OR8D1: variants seen among roughly 807,000 people sequenced by gnomAD.
OR8D1 encodes the protein olfactory receptor 8D1.
For synonymous variants in OR8D1, 143 were observed against 147.0 expected, an observed-to-expected ratio of 0.97 and a Z score of 0.20; for missense variants, 384 against 366.8, an observed-to-expected ratio of 1.05 and a Z score of -0.38.
rs1862343776 is a variant in OR8D1 at position 124,303,714 on chromosome 11, A to G, written c.*6126T>C. ...TTAAAAATTATGCTCACTTGAAGTC[A>G]TAAAGTCCTCTGTTTTCTTATTTTT... On this transcript the variant is annotated 3_prime_UTR_variant, in exon 3 of 3. Coordinates refer to ENST00000641015, the MANE Select transcript of OR8D1 (RefSeq NM_001002917.2). 1 of 152,004 alleles carries G rather than the reference A, an allele frequency of 6.6e-6. No individual in the cohort carries two copies. Among genetic ancestry groups the G allele is most frequent in the Non-Finnish European group, 1.5e-5 (1 of 67,972 alleles). The allele number at this position is 152,004 out of a possible 1,614,324, so 9.4% of individuals were successfully genotyped here. A position where few individuals can be genotyped will look rare whatever the true frequency, so the allele number is the denominator to read the frequency against.
intron 1 of OR8D1, among the ~76,000 whole-genome samples, chr11:124,313,010 C>T (rs1185657238): frequency 1.3e-5 from 2 of 151,564 alleles, no homozygotes; most frequent in East Asian, 4.0e-4. Flanking sequence ...CCTGTCTCTA[C>T]TAAAAACACA....
rs549600909 is a variant in OR8D1, at chr11:124,306,647, G to A, written c.*3193C>T. 23 of 151,746 alleles carry A rather than the reference G, an allele frequency of 1.5e-4. No individual in the cohort carries two copies. Among genetic ancestry groups the A allele is most frequent in the Admixed American group, 7.2e-4 (11 of 15,210 alleles). The allele number at this position is 151,746 out of a possible 1,614,324, so 9.4% of individuals were successfully genotyped here. ...TGTCACTTTTCTTAAGAGTTACTTC[G>A]AATTTCCCAATTATAATTTTGAATC... On this transcript the variant is annotated 3_prime_UTR_variant, in exon 3 of 3. Transcript: ENST00000641015.
chr11:124,310,147 G>T lies in OR8D1; in HGVS notation c.620C>A (p.Thr207Asn), dbSNP rs200978021. Residue 207 changes from threonine (T) to asparagine (N), a missense_variant, in exon 3 of 3, where the codon ACC (threonine) becomes AAC (asparagine). Coordinates refer to ENST00000641015, the MANE Select transcript of OR8D1 (RefSeq NM_001002917.2). ...LLLFIIAGFN[T>N]LVPTLAVAVS... ...AGCAACAGCTAGGGTGGGCACCAAG[G>T]TGTTAAACCCCGCAATGATAAAAAG... 6.2e-7 allele frequency: 1 copy of T among 1,613,730 alleles called. No individual in the cohort carries two copies. The highest frequency in any genetic ancestry group is 1.7e-5 in the Admixed American group (1 of 59,950).
At position 124,310,347 on chromosome 11, in the gene OR8D1, G is replaced by C. The variant is rs1862409039; in HGVS notation, c.420C>G (p.Val140=). 2 of 1,613,450 alleles carry C rather than the reference G, an allele frequency of 1.2e-6. No individual in the cohort carries two copies. The highest frequency in any genetic ancestry group is 3.3e-5 in the Admixed American group (2 of 59,882). The change falls in exon 3 of 3, where the codon GTC becomes GTG. Residue 140 remains valine, a synonymous_variant. Transcript: ENST00000641015. Reference sequence around the variant, plus strand: ...AGGCAGCCAGCACTAGCAGTGAGCAGACCCATGAGGACATGATCGCATTAT... The same window carrying C: ...AGGCAGCCAGCACTAGCAGTGAGCACACCCATGAGGACATGATCGCATTAT... The part of the protein sequence containing the change: ...LLYNAIMSSW[V]CSLLVLAAFF...
In OR8D1 at chr11:124,309,443, A is replaced by G. The variant is rs1862397114; in HGVS notation, c.*397T>C. On this transcript the variant is annotated 3_prime_UTR_variant, in exon 3 of 3. Coordinates refer to ENST00000641015, the MANE Select transcript of OR8D1 (RefSeq NM_001002917.2). ...CTAATTCCCTGAAGAATTAATAGAT[A>G]TCTGGGATCAGGCTAACATACCTCT... 1 of 152,356 alleles carries G rather than the reference A, an allele frequency of 6.6e-6. No homozygotes were observed. The highest frequency in any genetic ancestry group is 1.5e-5 in the Non-Finnish European group (1 of 68,460). The allele number at this position is 152,356 out of a possible 1,614,324, so 9.4% of individuals were successfully genotyped here.
chr11:124,313,129 G>A (rs11819990), intron 1 of OR8D1, among the ~76,000 whole-genome samples: 14,446 of 150,982 alleles, frequency 0.096, 2,021 homozygotes, highest in African/African-American at 0.31. Context: ...AGCCAAGATC[G>A]TGACACTGCA....
rs1194413166 is a variant in OR8D1 at position 124,305,578 on chromosome 11, C to CT, written c.*4261dup. 1 of 151,704 alleles carries CT rather than the reference C, an allele frequency of 6.6e-6. No individual in the cohort carries two copies. The highest frequency in any genetic ancestry group is 1.5e-5 in the Non-Finnish European group (1 of 67,812). The allele number at this position is 151,704 out of a possible 1,614,324, so 9.4% of individuals were successfully genotyped here. ...CAAAAGGGGGCCTCCAGGAGTGATG[C>CT]TAATATTCTATATCTTTACCTGGAG... On this transcript the variant is annotated 3_prime_UTR_variant, in exon 3 of 3. Transcript: ENST00000641015.
Position 124,305,198 on chromosome 11 carries a change from T to A in OR8D1, c.*4642A>T, listed in dbSNP as rs941305153. On this transcript the variant is annotated 3_prime_UTR_variant, in exon 3 of 3. Transcript: ENST00000641015. Reference sequence around the variant, plus strand: ...AATAGAATATAGGGTACAAAGTAGGTCCCTATATAGATGGTCAGTTGATCT... The same window carrying A: ...AATAGAATATAGGGTACAAAGTAGGACCCTATATAGATGGTCAGTTGATCT... The A allele has an allele frequency of 6.6e-6, 1 of 151,862 alleles. No individual in the cohort carries two copies. The highest frequency in any genetic ancestry group is 1.5e-5 in the Non-Finnish European group (1 of 67,878). 9.4% of individuals were successfully genotyped at this position (151,862 alleles called of 1,614,324 possible). A position where few individuals can be genotyped will look rare whatever the true frequency, so the allele number is the denominator to read the frequency against.
At chr11:124,310,961 G>C in intron 2 of OR8D1, 179 bp from the exon 3 acceptor site, 1 of 509,192 alleles carries the variant, frequency 2.0e-6, no homozygotes, top group Non-Finnish European at 3.5e-6. Flanking sequence ...CTCCAAGTTG[G>C]TCCAGAATTT....
Position 124,309,908 on chromosome 11 carries a change from G to A in OR8D1, c.859C>T (p.Pro287Ser), listed in dbSNP as rs535945267. The A allele has an allele frequency of 5.7e-5, 86 of 1,516,888 alleles. No homozygotes were observed. Among genetic ancestry groups the A allele is most frequent in the Non-Finnish European group, 6.8e-5 (77 of 1,134,680 alleles). 94.0% of individuals were successfully genotyped at this position (1,516,888 alleles called of 1,614,324 possible). ...FYTTVIPMLN[P>S]LIYSLRNKDV... ...TTATTCCTCAGACTGTATATTAAAGGGTTCAGCATGGGGATCACCGTGGTG... is the reference window on the plus strand; with the variant it reads ...TTATTCCTCAGACTGTATATTAAAGAGTTCAGCATGGGGATCACCGTGGTG... The change falls in exon 3 of 3, where the codon CCT becomes TCT. Residue 287 changes from proline (P) to serine (S), a missense_variant. By Grantham distance (74) the Pro-to-Ser change is moderately conservative. Coordinates refer to ENST00000641015, the MANE Select transcript of OR8D1 (RefSeq NM_001002917.2).
chr11:124,312,908 T>C (rs1322115951), intron 1 of OR8D1, among the ~76,000 whole-genome samples: 3 of 151,944 alleles, frequency 2.0e-5, no homozygotes, highest in Non-Finnish European at 4.4e-5. Flanking sequence ...GCGTGGTGCC[T>C]CATCCATGTA....
rs547691528 is a variant in OR8D1, at chr11:124,304,470, A to G, written c.*5370T>C. ...ACGGACATTTCTTGATTTTTTTGCTATTATGAATAAAGATTTAATAGACAT... is the reference window on the plus strand; with the variant it reads ...ACGGACATTTCTTGATTTTTTTGCTGTTATGAATAAAGATTTAATAGACAT... On this transcript the variant is annotated 3_prime_UTR_variant, in exon 3 of 3. Coordinates refer to ENST00000641015, the MANE Select transcript of OR8D1 (RefSeq NM_001002917.2). The G allele has an allele frequency of 1.3e-4, 19 of 151,932 alleles. No homozygotes were observed. In the South Asian group the frequency reaches 3.9e-3, roughly 31 times the overall value. 9.4% of individuals were successfully genotyped at this position (151,932 alleles called of 1,614,324 possible).
In OR8D1 at chr11:124,310,179, C is replaced by A; in HGVS notation, c.588G>T (p.Glu196Asp). 1 of 1,613,614 alleles carries A rather than the reference C, an allele frequency of 6.2e-7. No individual in the cohort carries two copies. The highest frequency in any genetic ancestry group is 8.5e-7 in the Non-Finnish European group (1 of 1,179,832). Residue 196 changes from glutamate (E) to aspartate (D), a missense_variant, in exon 3 of 3, where the codon GAG becomes GAT. Coordinates refer to ENST00000641015, the MANE Select transcript of OR8D1 (RefSeq NM_001002917.2). ...ACCCCGCAATGATAAAAAGTAGAAGCTCATTGAGGTGTGTGTTGGAGCAGG... is the reference window on the plus strand; with the variant it reads ...ACCCCGCAATGATAAAAAGTAGAAGATCATTGAGGTGTGTGTTGGAGCAGG... ...NLSCSNTHLN[E>D]LLLFIIAGFN...
In OR8D1 at chr11:124,309,927, C is replaced by T. The variant is rs372202746; in HGVS notation, c.840G>A (p.Thr280=). 8.3e-5 allele frequency: 127 copies of T among 1,533,154 alleles called. No homozygotes were observed. The highest frequency in any genetic ancestry group is 1.0e-4 in the Non-Finnish European group (115 of 1,143,730). 95.0% of individuals were successfully genotyped at this position (1,533,154 alleles called of 1,614,324 possible). ...QEKVSSVFYT[T]VIPMLNPLIY... ...TTAAAGGGTTCAGCATGGGGATCAC[C>T]GTGGTGTAGAACACAGAGGACACCT... Residue 280 remains threonine, a synonymous_variant, in exon 3 of 3, where the codon ACG becomes ACA. Coordinates refer to ENST00000641015, the MANE Select transcript of OR8D1 (RefSeq NM_001002917.2).
chr11:124,308,251 C>T lies in OR8D1; in HGVS notation c.*1589G>A, dbSNP rs1271999478. 1 of 151,916 alleles carries T rather than the reference C, an allele frequency of 6.6e-6. No homozygotes were observed. The highest frequency in any genetic ancestry group is 2.4e-5 in the African/African-American group (1 of 41,394). 9.4% of individuals were successfully genotyped at this position (151,916 alleles called of 1,614,324 possible). On this transcript the variant is annotated 3_prime_UTR_variant, in exon 3 of 3. Coordinates refer to ENST00000641015, the MANE Select transcript of OR8D1 (RefSeq NM_001002917.2). ...GACAGGTTAGAAAACTATGTGGCAC[C>T]AAATGATAATTTGAAGGTCAGGATC...
intron 1 of OR8D1, among the ~76,000 whole-genome samples, chr11:124,312,205 A>G (rs1475123495): frequency 6.6e-6 from 1 of 152,188 alleles, no homozygotes; most frequent in Non-Finnish European, 1.5e-5. Flanking sequence ...ATGAAAATAC[A>G]CTACCTTTGT....
In OR8D1 at chr11:124,310,588, T is replaced by G; in HGVS notation, c.179A>C (p.Tyr60Ser). The G allele has an allele frequency of 1.2e-6, 2 of 1,613,876 alleles. No individual in the cohort carries two copies. The highest frequency in any genetic ancestry group is 1.7e-6 in the Non-Finnish European group (2 of 1,179,918). ...AVSPLLHTPMYYFLSSLSFVD... is the reference protein window; with the variant it reads ...AVSPLLHTPMSYFLSSLSFVD... ...GAAGGACAAGCTGCTGAGGAAATAG[T>G]ACATGGGGGTGTGAAGTAGAGGGCT... The change falls in exon 3 of 3, where the codon TAC (tyrosine) becomes TCC (serine). Residue 60 changes from tyrosine to serine, a missense_variant. Physicochemically the swap from Tyr to Ser is moderately radical, Grantham distance 144. Coordinates refer to ENST00000641015, the MANE Select transcript of OR8D1 (RefSeq NM_001002917.2).
Position 124,310,376 on chromosome 11 carries a change from GCAGTGGGCTA to G in OR8D1, c.381_390del (p.Ser128PhefsTer14). ...CATGAGGACATGATCGCATTATAAA[GCAGTGGGCTA>G]CAGATGGCAACATAGCGATCATATG... is the stretch of plus-strand genomic sequence containing the variant. On this transcript the variant is annotated frameshift_variant, in exon 3 of 3. Transcript: ENST00000641015. LOFTEE classifies it low-confidence loss of function (END_TRUNC). The G allele has an allele frequency of 1.2e-6, 2 of 1,613,584 alleles. No homozygotes were observed. Among genetic ancestry groups the G allele is most frequent in the Non-Finnish European group, 8.5e-7 (1 of 1,179,848 alleles).
At chr11:124,313,305 A>T (rs1478730272) in intron 1 of OR8D1, among the ~76,000 whole-genome samples, 1 of 146,718 alleles carries the variant, frequency 6.8e-6, no homozygotes, top group African/African-American at 2.7e-5. Flanking sequence ...AAGGAAGGAA[A>T]GAAAGAAAAG....
Sources: gnomAD v4.1 joint callset for allele counts (sites outside exome capture counted in the v4.1 genomes callset) on GRCh38, gnomAD v4.1.1 for gene constraint, MANE v1.5 for transcripts, NCBI Gene and HGNC (gene_info 2026-07-23, HGNC 2026-07-21) for gene names.